MELTF: variants seen among roughly 807,000 people sequenced by gnomAD.
MELTF encodes antigen p97 (melanoma associated) identified by monoclonal antibodies 133.2 and 96.5.
A neutral mutation model predicts 83.7 loss-of-function variants in MELTF; 67 were observed. The ratio of observed to expected loss-of-function variants is 0.80; its 90% confidence interval spans 0.66 to 0.98. The LOEUF is 0.98. MELTF is among the 50% of genes least tolerant of loss of function. MELTF has a pLI of 0.00. For synonymous variants in MELTF, 462 were observed against 447.6 expected (o/e 1.03, Z -0.41); for missense variants, 1,002 against 1,035.6 (o/e 0.97, Z 0.44).
chr3:197,016,491 A>G, intron 7 of MELTF, 122 bp from the exon 8 acceptor site: 1 of 813,270 alleles, frequency 1.2e-6, no homozygotes, highest in Non-Finnish European at 1.9e-6. Flanking sequence ...CCTGAGGGCC[A>G]GGTGAGGCCT....
intron 4 of MELTF, chr3:197,023,864 A>G (rs983065810): frequency 3.7e-5 from 17 of 458,588 alleles, no homozygotes; most frequent in Non-Finnish European, 7.0e-5. Context: ...TGGGCTGATG[A>G]GCCACTTGGG....
intron 9 of MELTF, among the ~76,000 whole-genome samples, chr3:197,014,221 T>C (rs960127450): frequency 6.6e-6 from 1 of 152,088 alleles, no homozygotes; most frequent in Non-Finnish European, 1.5e-5. Context: ...CGGACGGAAC[T>C]GGGGGACACC....
At chr3:197,012,454 C>T (rs577971846) in intron 9 of MELTF, among the ~76,000 whole-genome samples, 3 of 152,382 alleles carry the variant, frequency 2.0e-5, no homozygotes, top group South Asian at 2.1e-4. Context: ...TGGTCATCGT[C>T]GTAAGCCTGG....
At position 197,023,059 on chromosome 3, in the gene MELTF, T is replaced by G. The variant is rs1166184206; in HGVS notation, c.542A>C (p.Tyr181Ser). ...GCAGAGGCGACAGAGGGACTCAGAGTAACTGGTCTCTCCTGCCCCCGGGAC... is the reference window on the plus strand; with the variant it reads ...GCAGAGGCGACAGAGGGACTCAGAGGAACTGGTCTCTCCTGCCCCCGGGAC... Reference protein sequence around the residue: ...SCVPGAGETSYSESLCRLCRG... With the variant: ...SCVPGAGETSSSESLCRLCRG... Residue 181 changes from tyrosine to serine, a missense_variant, in exon 5 of 16, where the codon TAC becomes TCC. By Grantham distance (144) the Tyr-to-Ser change is moderately radical. Transcript: ENST00000296350. 1 of 1,613,574 alleles carries G rather than the reference T, an allele frequency of 6.2e-7. No homozygotes were observed. Among genetic ancestry groups the G allele is most frequent in the Non-Finnish European group, 8.5e-7 (1 of 1,179,942 alleles).
intron 9 of MELTF, among the ~76,000 whole-genome samples, chr3:197,012,042 C>G (rs1474665639): frequency 6.6e-6 from 1 of 152,352 alleles, no homozygotes; most frequent in East Asian, 1.9e-4. Flanking sequence ...GCCCTTTCCG[C>G]AGTTCCGGTG....
At chr3:197,012,048 C>T (rs13319615) in intron 9 of MELTF, among the ~76,000 whole-genome samples, 3,775 of 152,302 alleles carry the variant, frequency 0.025, 120 homozygotes, top group African/African-American at 0.073. Context: ...TCCGCAGTTC[C>T]GGTGGAGGTT....
chr3:197,017,917 C>T (rs1281223424), intron 6 of MELTF, among the ~76,000 whole-genome samples: 1 of 152,056 alleles, frequency 6.6e-6, no homozygotes, highest in African/African-American at 2.4e-5. Flanking sequence ...ATGAATGTAC[C>T]AAGAGTCTAG....
Position 197,003,579 on chromosome 3 carries a change from C to T in MELTF, c.2138-128G>A. On this transcript the variant is annotated intron_variant, in intron 15 of 15. Transcript: ENST00000296350. This position sits in a 1 kb window ranked among gnomAD's most constrained non-coding sequence, Gnocchi z 6.2. Reference sequence around the variant, plus strand: ...TCGCCGCAGCCTCCCTCTTTGTGCTCCTTTCCCCTGCTGCCCTTCCAGATG... The same window carrying T: ...TCGCCGCAGCCTCCCTCTTTGTGCTTCTTTCCCCTGCTGCCCTTCCAGATG... The T allele has an allele frequency of 4.1e-6, 3 of 735,936 alleles. No individual in the cohort carries two copies. The highest frequency in any genetic ancestry group is 5.9e-6 in the Non-Finnish European group (3 of 512,020). 45.6% of individuals were successfully genotyped at this position (735,936 alleles called of 1,614,324 possible). A position where few individuals can be genotyped will look rare whatever the true frequency, so the allele number is the denominator to read the frequency against.
In MELTF at chr3:197,007,230, AGG is replaced by A. The variant is rs1336743129; in HGVS notation, c.1751-496_1751-495del. On this transcript the variant is annotated intron_variant, in intron 13 of 15. Coordinates refer to ENST00000296350, the MANE Select transcript of MELTF (RefSeq NM_005929.6). This position sits in a 1 kb window ranked among gnomAD's most constrained non-coding sequence, Gnocchi z 4.3. ...CTTGTGGATGCAGAAGGCAGCTTCA[AGG>A]GCCCTTGCTTGCAAAGAATCTTATT... Among the ~76,000 whole-genome samples, 2 of 152,164 alleles carry A rather than the reference AGG, an allele frequency of 1.3e-5. No individual in the cohort carries two copies. The highest frequency in any genetic ancestry group is 2.9e-5 in the Non-Finnish European group (2 of 68,026).
intron 14 of MELTF, among the ~76,000 whole-genome samples, chr3:197,005,217 A>G (rs1229742549): frequency 6.6e-6 from 1 of 152,230 alleles, no homozygotes; most frequent in African/African-American, 2.4e-5. Flanking sequence ...ATCTGCTGAT[A>G]GATTGGCTGT....
In MELTF at chr3:197,027,059, C is replaced by T. The variant is rs138186504; in HGVS notation, c.205-300G>A. 1.2e-3 allele frequency: 456 copies of T among 377,078 alleles called. 5 individuals are homozygous for T. Among genetic ancestry groups the T allele is most frequent in the African/African-American group, 8.1e-3 (397 of 49,236 alleles). 23.4% of individuals were successfully genotyped at this position (377,078 alleles called of 1,614,324 possible). On this transcript the variant is annotated intron_variant, in intron 2 of 15. Transcript: ENST00000296350. ...CGGTGCGCAGTGACAAGTGAGTCTC[C>T]CTCGCTTTCTGTCCCTCCACCCTGC...
chr3:197,006,821 G>T lies in MELTF; in HGVS notation c.1751-85C>A. On this transcript the variant is annotated intron_variant, in intron 13 of 15. Coordinates refer to ENST00000296350, the MANE Select transcript of MELTF (RefSeq NM_005929.6). The surrounding 1 kb of genome is among the most constrained non-coding windows in gnomAD (Gnocchi z 5.4). ...GAAGCTGCTATCCTGGGACCCCAAG[G>T]CCTTCACCACAGGGAGGTGGCAACA... 7.8e-7 allele frequency: 1 copy of T among 1,288,050 alleles called. No individual in the cohort carries two copies. Among genetic ancestry groups the T allele is most frequent in the Non-Finnish European group, 1.0e-6 (1 of 979,210 alleles). 79.8% of individuals were successfully genotyped at this position (1,288,050 alleles called of 1,614,324 possible). A position where few individuals can be genotyped will look rare whatever the true frequency, so the allele number is the denominator to read the frequency against.
Position 197,029,459 on chromosome 3 carries a change from C to A in MELTF, c.49+195G>T, listed in dbSNP as rs1719997948. On this transcript the variant is annotated intron_variant, in intron 1 of 15. Coordinates refer to ENST00000296350, the MANE Select transcript of MELTF (RefSeq NM_005929.6). This position sits in a 1 kb window ranked among gnomAD's most constrained non-coding sequence, Gnocchi z 6.5. Reference sequence around the variant, plus strand: ...GTTCGAGGCCGCCTCCTCCAAGAAGCCTTCCAGACTTCCCCGTCTGCGCTT... The same window carrying A: ...GTTCGAGGCCGCCTCCTCCAAGAAGACTTCCAGACTTCCCCGTCTGCGCTT... Among the ~76,000 whole-genome samples, 1 of 152,142 alleles carries A rather than the reference C, an allele frequency of 6.6e-6. No individual in the cohort carries two copies.
Position 197,021,386 on chromosome 3 carries a change from T to C in MELTF, c.712+18A>G, listed in dbSNP as rs1450192655. The C allele has an allele frequency of 6.2e-7, 1 of 1,613,550 alleles. No individual in the cohort carries two copies. The highest frequency in any genetic ancestry group is 8.5e-7 in the Non-Finnish European group (1 of 1,179,700). ...CTGACTCCCTGCTCCTCTGGGCCCG[T>C]GCCCCTCCCCCACTCACCATCCGTG... On this transcript the variant is annotated intron_variant, in intron 6 of 15. Transcript: ENST00000296350.
Position 197,003,828 on chromosome 3 carries a change from C to T in MELTF, c.2137+73G>A. 6.6e-7 allele frequency: 1 copy of T among 1,510,062 alleles called. No homozygotes were observed. Among genetic ancestry groups the T allele is most frequent in the Admixed American group, 1.8e-5 (1 of 54,572 alleles). 93.5% of individuals were successfully genotyped at this position (1,510,062 alleles called of 1,614,324 possible). ...CGCCTCCCCGGACCCGCAGCGCCCC[C>T]CGCTCCCTCAGGGTTCTGGGGTGAA... On this transcript the variant is annotated intron_variant, in intron 15 of 15. Transcript: ENST00000296350. This position sits in a 1 kb window ranked among gnomAD's most constrained non-coding sequence, Gnocchi z 6.2.
Position 197,026,570 on chromosome 3 carries a change from T to G in MELTF, c.304+90A>C, listed in dbSNP as rs1033016334. On this transcript the variant is annotated intron_variant, in intron 3 of 15. Transcript: ENST00000296350. ...AGGACTGCTCTGTGGACAGGGCTGA[T>G]GGCCAGCTCAGGCCAGGCCCAGCAA... is the stretch of plus-strand genomic sequence containing the variant. 20 of 1,158,942 alleles carry G rather than the reference T, an allele frequency of 1.7e-5. No homozygotes were observed. The African/African-American group carries it at 3.0e-4, about 17-fold the overall frequency. 71.8% of individuals were successfully genotyped at this position (1,158,942 alleles called of 1,614,324 possible).
rs1330969919 is a variant in MELTF, at chr3:197,022,105, A to G, written c.645-634T>C. On this transcript the variant is annotated intron_variant, in intron 5 of 15. Coordinates refer to ENST00000296350, the MANE Select transcript of MELTF (RefSeq NM_005929.6). The surrounding 1 kb of genome is among the most constrained non-coding windows in gnomAD (Gnocchi z 5.1). The stretch of plus-strand genomic sequence containing the variant: ...TTTCATGCCATGCCGCAGAATCCTC[A>G]GTGGAAGGGACCATTGACTTTTACA... Among the ~76,000 whole-genome samples, 1 of 152,188 alleles carries G rather than the reference A, an allele frequency of 6.6e-6. No individual in the cohort carries two copies. The highest frequency in any genetic ancestry group is 1.5e-5 in the Non-Finnish European group (1 of 68,038).
rs1247461241 is a variant in MELTF at position 197,011,963 on chromosome 3, C to T, written c.1234-1169G>A. ...TGAAACCTCCCTCCCTGCACCTCTC[C>T]CTGCTCTGGGGCTCTTGGAACAATA... is the stretch of plus-strand genomic sequence containing the variant. On this transcript the variant is annotated intron_variant, in intron 9 of 15. Coordinates refer to ENST00000296350, the MANE Select transcript of MELTF (RefSeq NM_005929.6). This position sits in a 1 kb window ranked among gnomAD's most constrained non-coding sequence, Gnocchi z 4.2. Among the ~76,000 whole-genome samples, 4 of 152,208 alleles carry T rather than the reference C, an allele frequency of 2.6e-5. No individual in the cohort carries two copies. Among genetic ancestry groups the T allele is most frequent in the African/African-American group, 7.2e-5 (3 of 41,456 alleles).
At position 197,018,267 on chromosome 3, in the gene MELTF, C is replaced by T. The variant is rs373855257; in HGVS notation, c.713-977G>A. On this transcript the variant is annotated intron_variant, in intron 6 of 15. Coordinates refer to ENST00000296350, the MANE Select transcript of MELTF (RefSeq NM_005929.6). ...GGTTCACGCCATTCTCCTGCCTCAGCCTCCCGAGTAGCTGGGACCACAGGT... is the reference window on the plus strand; with the variant it reads ...GGTTCACGCCATTCTCCTGCCTCAGTCTCCCGAGTAGCTGGGACCACAGGT... Among the ~76,000 whole-genome samples the T allele has an allele frequency of 1.1e-4, 16 of 151,796 alleles. No individual in the cohort carries two copies. In the East Asian group the frequency reaches 2.9e-3, roughly 28 times the overall value.
Sources: allele counts gnomAD v4.1 joint callset (sites outside exome capture counted in the v4.1 genomes callset), GRCh38; gene constraint gnomAD v4.1.1; non-coding constraint Gnocchi (gnomAD v3.1); transcripts MANE v1.5; gene names NCBI Gene and HGNC (gene_info 2026-07-23, HGNC 2026-07-21).